SLC25A48: variants seen among roughly 807,000 people sequenced by gnomAD.
The protein encoded by SLC25A48 is solute carrier family 25 member 48, also known as CTC-321K16.1.
In SLC25A48, 29 loss-of-function variants were observed where a neutral mutation model predicts 32.2. That is an observed-to-expected ratio of 0.90 (90% CI 0.67 to 1.23). The LOEUF (loss-of-function observed/expected upper bound fraction) is 1.23, where lower values mean the gene tolerates loss of function less well. SLC25A48 is among the 50% of genes most tolerant of loss of function. The probability of loss-of-function intolerance (pLI) is 0.00; values close to 1 mark genes in which losing one functional copy is unlikely to be tolerated. For synonymous variants in SLC25A48, 164 were observed against 172.3 expected (o/e 0.95, Z 0.38); for missense variants, 399 against 422.7 (o/e 0.94, Z 0.49).
intron 3 of SLC25A48, among the ~76,000 whole-genome samples, chr5:135,808,879 G>C (rs11950221): frequency 0.13 from 19,952 of 152,140 alleles, 1,716 homozygotes; most frequent in Non-Finnish European, 0.19. Flanking sequence ...TTGAGAGTTA[G>C]ATTAATCTCT....
intron 4 of SLC25A48, among the ~76,000 whole-genome samples, chr5:135,858,736 C>T (rs941292613): frequency 9.9e-5 from 15 of 152,206 alleles, no homozygotes; most frequent in South Asian, 2.1e-4. Flanking sequence ...TGGGCCTTTG[C>T]GCAAAATTGT....
chr5:135,794,189 C>T (rs1235414324), intron 3 of SLC25A48, among the ~76,000 whole-genome samples: 2 of 151,690 alleles, frequency 1.3e-5, no homozygotes, highest in Admixed American at 1.3e-4. Flanking sequence ...GCATGACTCT[C>T]ATTATCGCAG....
chr5:135,794,723 C>T (rs573373650), intron 3 of SLC25A48, among the ~76,000 whole-genome samples: 12 of 150,856 alleles, frequency 8.0e-5, no homozygotes, highest in African/African-American at 2.7e-4. Context: ...TATCACAGGG[C>T]GTATACACCC....
intron 1 of SLC25A48, among the ~76,000 whole-genome samples, chr5:135,601,560 G>A (rs988464866): frequency 6.6e-6 from 1 of 152,084 alleles, no homozygotes; most frequent in Non-Finnish European, 1.5e-5. Context: ...ATCTTGACTG[G>A]AACCCATGGG....
At chr5:135,620,177 C>A (rs1429359782) in intron 1 of SLC25A48, among the ~76,000 whole-genome samples, 1 of 152,170 alleles carries the variant, frequency 6.6e-6, no homozygotes, top group Admixed American at 6.5e-5. Context: ...ACAGGTGATG[C>A]ATGTGGGTGG....
intron 3 of SLC25A48, among the ~76,000 whole-genome samples, chr5:135,804,198 C>T (rs1316724435): frequency 6.6e-6 from 1 of 151,512 alleles, no homozygotes; most frequent in Non-Finnish European, 1.5e-5. Context: ...AGTAATATCT[C>T]CCTAGGATAT....
upstream of SLC25A48, among the ~76,000 whole-genome samples, chr5:135,832,903 C>T (rs1274605627): frequency 2.6e-5 from 4 of 152,178 alleles, no homozygotes; most frequent in African/African-American, 7.2e-5. Flanking sequence ...GAGTTTCTTT[C>T]TCTCTGTAAT....
chr5:135,852,483 G>A (rs1759952791), intron 3 of SLC25A48, 80 bp from the exon 4 acceptor site: 1 of 1,506,638 alleles, frequency 6.6e-7, no homozygotes, highest in African/African-American at 1.4e-5. Flanking sequence ...GATGTGTCCG[G>A]TGGTGTACCC....
chr5:135,611,057 A>G (rs1318854755), intron 1 of SLC25A48, among the ~76,000 whole-genome samples: 2 of 152,260 alleles, frequency 1.3e-5, no homozygotes, highest in Admixed American at 1.3e-4. Context: ...GAAACATTAC[A>G]GTAATAGTTG....
intron 4 of SLC25A48, among the ~76,000 whole-genome samples, chr5:135,868,673 C>T (rs868266630): frequency 5.9e-5 from 6 of 102,334 alleles, no homozygotes; most frequent in South Asian, 3.7e-4. Flanking sequence ...CACACACACA[C>T]ACATACACAC....
chr5:135,700,371 CAAA>C (rs34125451), intron 3 of SLC25A48, among the ~76,000 whole-genome samples: 8 of 67,952 alleles, frequency 1.2e-4, no homozygotes, highest in Non-Finnish European at 2.0e-4. Flanking sequence ...GACTCTGTCT[CAAA>C]AAAAAAAAAA....
At chr5:135,858,173 T>C (rs932634180) in intron 4 of SLC25A48, among the ~76,000 whole-genome samples, 2 of 152,148 alleles carry the variant, frequency 1.3e-5, no homozygotes, top group African/African-American at 4.8e-5. Context: ...TGAACATGTG[T>C]TTGTTCTGTT....
At chr5:135,796,739 T>C (rs1226961951) in intron 3 of SLC25A48, among the ~76,000 whole-genome samples, 2 of 151,484 alleles carry the variant, frequency 1.3e-5, no homozygotes, top group African/African-American at 4.9e-5. Context: ...ACTCATAGTA[T>C]TGCGGGGTGT....
intron 3 of SLC25A48, among the ~76,000 whole-genome samples, chr5:135,670,169 T>G (rs1753621692): frequency 1.3e-5 from 2 of 152,178 alleles, no homozygotes; most frequent in Admixed American, 1.3e-4. Flanking sequence ...CTTTGCCACT[T>G]ATAAAGCTCT....
At chr5:135,649,110 A>G (rs1443665843) in intron 3 of SLC25A48, 1 of 152,344 alleles carries the variant, frequency 6.6e-6, no homozygotes, top group African/African-American at 2.4e-5. Context: ...GGTCCCAGCT[A>G]ACCAATTTAT....
chr5:135,750,656 C>T (rs1385965139), intron 3 of SLC25A48, among the ~76,000 whole-genome samples: 1 of 152,116 alleles, frequency 6.6e-6, no homozygotes, highest in Non-Finnish European at 1.5e-5. Context: ...GCCCACAGCA[C>T]CCCCTGTATC....
intron 4 of SLC25A48, among the ~76,000 whole-genome samples, chr5:135,853,110 A>T (rs1474172051): frequency 1.3e-5 from 2 of 152,240 alleles, no homozygotes; most frequent in African/African-American, 4.8e-5. Flanking sequence ...TATGTTTTAA[A>T]TAAGTATATA....
rs189260316 is a variant in SLC25A48 at position 135,834,981 on chromosome 5, C to A, written c.46+88C>A. 729 of 1,445,414 alleles carry A rather than the reference C, an allele frequency of 5.0e-4. 5 individuals are homozygous for A. In the Middle Eastern group the frequency reaches 8.7e-3, roughly 17 times the overall value. The allele number at this position is 1,445,414 out of a possible 1,614,324, so 89.5% of individuals were successfully genotyped here. A position where few individuals can be genotyped will look rare whatever the true frequency, so the allele number is the denominator to read the frequency against. ...GCTCTGAGGAAACTTTGCCTCTGTGCGCTGCCATCCCGCTCCCCGTTGTGC... is the reference window on the plus strand; with the variant it reads ...GCTCTGAGGAAACTTTGCCTCTGTGAGCTGCCATCCCGCTCCCCGTTGTGC... On this transcript the variant is annotated intron_variant, in intron 1 of 7. Coordinates refer to ENST00000681962, the MANE Select transcript of SLC25A48 (RefSeq NM_001349336.2).
At chr5:135,779,704 AG>A (rs1197391707) in intron 3 of SLC25A48, among the ~76,000 whole-genome samples, 1 of 117,950 alleles carries the variant, frequency 8.5e-6, no homozygotes, top group Admixed American at 8.7e-5. Flanking sequence ...TTTAATATTC[AG>A]GGCTGGAAAG....
Sources: gnomAD v4.1 joint callset for allele counts (sites outside exome capture counted in the v4.1 genomes callset) on GRCh38, gnomAD v4.1.1 for gene constraint, MANE v1.5 for transcripts, NCBI Gene and HGNC (gene_info 2026-07-23, HGNC 2026-07-21) for gene names.